ANK3: variants seen among roughly 807,000 people sequenced by gnomAD.
ANK3 encodes ankyrin-3.
In ANK3, 57 loss-of-function variants were observed where a neutral mutation model predicts 370.9. The observed-to-expected ratio is 0.15, with a 90% CI of 0.12 to 0.19. The LOEUF (loss-of-function observed/expected upper bound fraction) is 0.19. Among genes scored for constraint, ANK3 ranks in the 10% least tolerant of loss-of-function variants. The probability of loss-of-function intolerance (pLI) is 1.00; values close to 1 mark genes in which losing one functional copy is unlikely to be tolerated. For missense variants in ANK3, 4,439 were observed against 5,302.1 expected, an observed-to-expected ratio of 0.84 and a Z score of 5.06; for synonymous variants, 1,929 against 1,946.3, an observed-to-expected ratio of 0.99 and a Z score of 0.23.
At chr10:60,399,436 C>T (rs2063310410) in intron 2 of ANK3, among the ~76,000 whole-genome samples, 1 of 152,116 alleles carries the variant, frequency 6.6e-6, no homozygotes, top group Non-Finnish European at 1.5e-5. Context: ...AAGGGAAGGG[C>T]CAGATGGTTT....
chr10:60,650,283 T>C (rs538411329), intron 1 of ANK3, among the ~76,000 whole-genome samples: 8 of 149,644 alleles, frequency 5.3e-5, no homozygotes, highest in African/African-American at 9.9e-5. Context: ...ACATATTAGC[T>C]AGGCTGCTTT....
intron 2 of ANK3, among the ~76,000 whole-genome samples, chr10:60,415,612 T>C (rs1228393442): frequency 2.0e-5 from 3 of 152,034 alleles, no homozygotes; most frequent in Non-Finnish European, 4.4e-5. Context: ...GGCTTGATCA[T>C]CCAATGAAAT....
intron 2 of ANK3, among the ~76,000 whole-genome samples, chr10:60,546,280 C>T (rs757947556): frequency 9.2e-5 from 14 of 152,176 alleles, no homozygotes; most frequent in Non-Finnish European, 1.8e-4. Flanking sequence ...AAGTGATTCT[C>T]GTGCCTCAGC....
rs2097842006 is a variant in ANK3 at position 60,263,694 on chromosome 10, A to G, written c.699+141T>C. 1.5e-5 allele frequency: 14 copies of G among 956,626 alleles called. No individual in the cohort carries two copies. The South Asian group carries it at 2.4e-4, about 16-fold the overall frequency. The allele number at this position is 956,626 out of a possible 1,614,324, so 59.3% of individuals were successfully genotyped here. On this transcript the variant is annotated intron_variant, in intron 6 of 43. Coordinates refer to ENST00000280772, the MANE Select transcript of ANK3 (RefSeq NM_020987.5). ...AAGGGAGGCTGTGCCTTCAGTGGCTAGCTCAGACACACATTGTTCCTCCCT... is the reference window on the plus strand; with the variant it reads ...AAGGGAGGCTGTGCCTTCAGTGGCTGGCTCAGACACACATTGTTCCTCCCT...
At chr10:60,456,100 A>G (rs1161232693) in intron 2 of ANK3, among the ~76,000 whole-genome samples, 3 of 152,218 alleles carry the variant, frequency 2.0e-5, no homozygotes, top group Non-Finnish European at 4.4e-5. Context: ...CCTATATTAA[A>G]AGGCCTGAAT....
Position 60,175,851 on chromosome 10 carries a change from T to G in ANK3, c.2185-2665A>C, listed in dbSNP as rs115965591. On this transcript the variant is annotated intron_variant, in intron 18 of 43. Coordinates refer to ENST00000280772, the MANE Select transcript of ANK3 (RefSeq NM_020987.5). ...ACCTCTCTGTACATTGGCTTATGCA[T>G]TATAAAATGGACTTTAGTAGCAGTA... is the stretch of plus-strand genomic sequence containing the variant. Among the ~76,000 whole-genome samples, 566 of 152,260 alleles carry G rather than the reference T, an allele frequency of 3.7e-3. 3 individuals carry two copies. Among genetic ancestry groups the G allele is most frequent in the African/African-American group, 0.013 (541 of 41,556 alleles).
Position 60,432,598 on chromosome 10 carries a change from C to T in ANK3, c.97-152959G>A, listed in dbSNP as rs933012071. On this transcript the variant is annotated intron_variant, in intron 2 of 43. Coordinates refer to the ANK3 transcript ENST00000373827. The stretch of plus-strand genomic sequence containing the variant: ...ACTATCCATGGAGTATGTCAGCTCC[C>T]TTCTTAAATAATGATGACAAAATAA... 1.1e-4 allele frequency among the ~76,000 whole-genome samples: 16 copies of T among 152,140 alleles called. 1 individual carries two copies.
At chr10:60,416,751 C>T (rs2063676649) in intron 2 of ANK3, among the ~76,000 whole-genome samples, 1 of 152,152 alleles carries the variant, frequency 6.6e-6, no homozygotes, top group Non-Finnish European at 1.5e-5. Flanking sequence ...TAGCCAATAG[C>T]TACCATATTA....
intron 41 of ANK3, among the ~76,000 whole-genome samples, chr10:60,056,702 T>A (rs1380581748): frequency 6.6e-6 from 1 of 152,116 alleles, no homozygotes; most frequent in African/African-American, 2.4e-5. Flanking sequence ...GAGAAGAGAT[T>A]TCAGAACGCT....
chr10:60,299,337 G>C (rs2043202908), intron 1 of ANK3, among the ~76,000 whole-genome samples: 1 of 152,098 alleles, frequency 6.6e-6, no homozygotes, highest in Non-Finnish European at 1.5e-5. Context: ...TTTCCAAATT[G>C]CTTTTTGTAA....
Position 60,627,778 on chromosome 10 carries a change from T to C in ANK3, c.58-12554A>G, listed in dbSNP as rs543952939. On this transcript the variant is annotated intron_variant, in intron 1 of 43. Coordinates refer to the ANK3 transcript ENST00000373827. ...TAACATACACCTGAATAGTACTTTTTGTATATCAGACCCAATTCCAAGCCC... is the reference window on the plus strand; with the variant it reads ...TAACATACACCTGAATAGTACTTTTCGTATATCAGACCCAATTCCAAGCCC... Among the ~76,000 whole-genome samples the C allele has an allele frequency of 3.0e-4, 46 of 152,308 alleles. No individual in the cohort carries two copies. In the South Asian group the frequency reaches 8.9e-3, roughly 30 times the overall value.
chr10:60,493,236 T>C (rs1442731604), intron 2 of ANK3, among the ~76,000 whole-genome samples: 1 of 151,652 alleles, frequency 6.6e-6, no homozygotes, highest in Non-Finnish European at 1.5e-5. Flanking sequence ...CTAATGGGAG[T>C]TGCTGACAGT....
intron 43 of ANK3, among the ~76,000 whole-genome samples, chr10:60,036,952 CAT>C (rs2075138319): frequency 6.6e-6 from 1 of 152,278 alleles, no homozygotes; most frequent in South Asian, 2.1e-4. Flanking sequence ...TTGGATGTCT[CAT>C]AGCATTTCAA....
intron 2 of ANK3, among the ~76,000 whole-genome samples, chr10:60,441,404 T>C (rs1248738311): frequency 6.6e-6 from 1 of 152,182 alleles, no homozygotes; most frequent in Non-Finnish European, 1.5e-5. Flanking sequence ...TAATATATAA[T>C]AAAACCTCTG....
chr10:60,444,448 A>G (rs10994352), intron 2 of ANK3, among the ~76,000 whole-genome samples: 70,276 of 141,262 alleles, frequency 0.5, 17,443 homozygotes, highest in South Asian at 0.63. Context: ...GTGTGTGTAT[A>G]TATATATATA....
At chr10:60,586,020 G>A (rs532504974) in intron 2 of ANK3, among the ~76,000 whole-genome samples, 12 of 150,866 alleles carry the variant, frequency 8.0e-5, no homozygotes, top group South Asian at 2.1e-4. Context: ...GTAAAACTCC[G>A]TCTCAAAACA....
intron 2 of ANK3, among the ~76,000 whole-genome samples, chr10:60,548,715 T>C (rs533299396): frequency 6.6e-6 from 1 of 152,238 alleles, no homozygotes; most frequent in South Asian, 2.1e-4. Flanking sequence ...CCTAAAATAC[T>C]ATAGTATAGG....
At chr10:60,230,380 A>T (rs2097220852) in intron 8 of ANK3, among the ~76,000 whole-genome samples, 1 of 152,232 alleles carries the variant, frequency 6.6e-6, no homozygotes, top group African/African-American at 2.4e-5. Context: ...TGAACTACAT[A>T]AATCATTTTA....
At chr10:60,374,372 A>T (rs2060494682) in intron 1 of ANK3, among the ~76,000 whole-genome samples, 1 of 152,178 alleles carries the variant, frequency 6.6e-6, no homozygotes, top group Admixed American at 6.5e-5. Context: ...GATGAAAGAA[A>T]TTCCTTCCAG....
Sources: gnomAD v4.1 joint callset for allele counts (sites outside exome capture counted in the v4.1 genomes callset) on GRCh38, gnomAD v4.1.1 for gene constraint, MANE v1.5 for transcripts, NCBI Gene and HGNC (gene_info 2026-07-23, HGNC 2026-07-21) for gene names.